SRL: variants seen among roughly 807,000 people sequenced by gnomAD.
SRL encodes sarcalumenin.
SRL carries 23 observed loss-of-function variants against 39.5 expected under a neutral mutation model. The observed-to-expected ratio is 0.58, with a 90% CI of 0.42 to 0.82. SRL has a LOEUF of 0.82. Among genes scored for constraint, SRL ranks in the 40% least tolerant of loss-of-function variants. The pLI is 0.00. For synonymous variants in SRL, 272 were observed against 237.4 expected, an observed-to-expected ratio of 1.15 and a Z score of -1.34; for missense variants, 592 against 607.8, an observed-to-expected ratio of 0.97 and a Z score of 0.27.
Position 4,191,729 on chromosome 16 carries a change from G to A in SRL, c.*424C>T, listed in dbSNP as rs1182938386. 1 of 166,562 alleles carries A rather than the reference G, an allele frequency of 6.0e-6. No homozygotes were observed. The highest frequency in any genetic ancestry group is 2.4e-5 in the African/African-American group (1 of 41,880). 10.3% of individuals were successfully genotyped at this position (166,562 alleles called of 1,614,324 possible). On this transcript the variant is annotated 3_prime_UTR_variant, in exon 6 of 6. Transcript: ENST00000399609. ...GAACAAACGCGAGACTGTGGGTGTG[G>A]AAAGAAGCCAAAATGGACCTGACAA...
intron 1 of SRL, among the ~76,000 whole-genome samples, chr16:4,237,951 G>A (rs969087469): frequency 6.6e-6 from 1 of 152,112 alleles, no homozygotes; most frequent in African/African-American, 2.4e-5. Context: ...ACTAGATTCA[G>A]CTACGTGCAA....
chr16:4,234,049 T>C lies in SRL; in HGVS notation c.61+7958A>G, dbSNP rs1277416746. Among the ~76,000 whole-genome samples, 6 of 152,062 alleles carry C rather than the reference T, an allele frequency of 3.9e-5. No individual in the cohort carries two copies. The East Asian group carries it at 5.8e-4, about 15-fold the overall frequency. ...TCGCTCTGTTGCCCAGGCTAGAGTATAGTGGTACAATCTTGGCTCACTGCA... is the reference window on the plus strand; with the variant it reads ...TCGCTCTGTTGCCCAGGCTAGAGTACAGTGGTACAATCTTGGCTCACTGCA... On this transcript the variant is annotated intron_variant, in intron 1 of 5. Transcript: ENST00000399609.
At chr16:4,237,270 C>T (rs1336199681) in intron 1 of SRL, among the ~76,000 whole-genome samples, 1 of 152,184 alleles carries the variant, frequency 6.6e-6, no homozygotes, top group Non-Finnish European at 1.5e-5. Flanking sequence ...CTGTTCCTCT[C>T]TCTTATGTTC....
intron 1 of SRL, among the ~76,000 whole-genome samples, chr16:4,237,091 G>A (rs954608674): frequency 1.3e-5 from 2 of 151,846 alleles, no homozygotes; most frequent in South Asian, 2.1e-4. Flanking sequence ...ACAGGTACCC[G>A]CCATCATGCC....
intron 1 of SRL, chr16:4,207,563 C>G (rs1400811330): frequency 2.2e-6 from 1 of 454,404 alleles, no homozygotes; most frequent in South Asian, 1.6e-5. Flanking sequence ...GCTCTGCTGT[C>G]CCTGCTACTG....
chr16:4,220,278 AACACACACACAC>A (rs71394664), intron 1 of SRL, among the ~76,000 whole-genome samples: 7 of 140,800 alleles, frequency 5.0e-5, no homozygotes, highest in East Asian at 4.1e-4. Flanking sequence ...TCTCTACTAA[AACACACACACAC>A]ACACACACAC....
At chr16:4,239,279 G>C (rs909502456) in intron 1 of SRL, among the ~76,000 whole-genome samples, 9 of 152,216 alleles carry the variant, frequency 5.9e-5, no homozygotes, top group African/African-American at 2.2e-4. Flanking sequence ...GGCACTCACA[G>C]AGGGGCAGCC....
intron 1 of SRL, among the ~76,000 whole-genome samples, chr16:4,240,062 C>T (rs1356423320): frequency 6.6e-6 from 1 of 152,204 alleles, no homozygotes; most frequent in African/African-American, 2.4e-5. Context: ...GAGCCCACCA[C>T]CCCAGCCAGA....
chr16:4,195,853 G>A (rs1373809492), intron 4 of SRL, 67 bp from the exon 5 acceptor site: 43 of 1,357,096 alleles, frequency 3.2e-5, no homozygotes, highest in Non-Finnish European at 4.4e-5. Flanking sequence ...TGAGAAGCAT[G>A]TGTATATGCC....
Position 4,190,090 on chromosome 16 carries a change from G to C in SRL, c.*2063C>G, listed in dbSNP as rs939409309. The C allele has an allele frequency of 5.0e-6, 2 of 396,536 alleles. No homozygotes were observed. Among genetic ancestry groups the C allele is most frequent in the Non-Finnish European group, 8.9e-6 (2 of 225,420 alleles). The allele number at this position is 396,536 out of a possible 1,614,324, so 24.6% of individuals were successfully genotyped here. On this transcript the variant is annotated 3_prime_UTR_variant, in exon 6 of 6. Coordinates refer to ENST00000399609, the MANE Select transcript of SRL (RefSeq NM_001098814.2). ...TTCTTTCCTGGTCGACTCGTTCCTT[G>C]GAAACATTGTCCTGAGTGCCCTGGA...
intron 1 of SRL, among the ~76,000 whole-genome samples, chr16:4,241,193 A>G (rs2052768857): frequency 6.6e-6 from 1 of 152,136 alleles, no homozygotes; most frequent in Non-Finnish European, 1.5e-5. Flanking sequence ...GCACCTCCCT[A>G]AAAGCATTCC....
chr16:4,212,611 T>TGGGACCCACCCTGGGACATGAA (rs2052408033), intron 1 of SRL, among the ~76,000 whole-genome samples: 1 of 152,192 alleles, frequency 6.6e-6, no homozygotes, highest in Non-Finnish European at 1.5e-5. Flanking sequence ...AGTACCGCAC[T>TGGGACCCACCCTGGGACATGAA]GTATGTGCTG....
At chr16:4,210,873 A>G (rs975632360) in intron 1 of SRL, among the ~76,000 whole-genome samples, 1 of 152,202 alleles carries the variant, frequency 6.6e-6, no homozygotes, top group Non-Finnish European at 1.5e-5. Flanking sequence ...GGCTTGGGCC[A>G]TGTGACTTCA....
At chr16:4,208,267 C>A (rs543451887) in intron 1 of SRL, among the ~76,000 whole-genome samples, 3 of 152,098 alleles carry the variant, frequency 2.0e-5, no homozygotes, top group African/African-American at 7.2e-5. Context: ...TCGTGCGTAG[C>A]GAGCAGAATA....
At chr16:4,199,394 C>T (rs1303949852) in intron 3 of SRL, among the ~76,000 whole-genome samples, 12 of 89,474 alleles carry the variant, frequency 1.3e-4, no homozygotes, top group African/African-American at 4.2e-4. Context: ...TTTTTTGAGA[C>T]AGTGTCTCAC....
rs765379243 is a variant in SRL at position 4,204,603 on chromosome 16, T to C, written c.93A>G (p.Pro31=). ...TCTCGATGTGGGAGCGGTCCCTCAATGGGGCTTCTTCATTTGCATCCTCCG... is the reference window on the plus strand; with the variant it reads ...TCTCGATGTGGGAGCGGTCCCTCAACGGGGCTTCTTCATTTGCATCCTCCG... The part of the protein sequence containing the change: ...EETEDANEEA[P]LRDRSHIEKT... The change falls in exon 2 of 6, where the codon CCA becomes CCG. Residue 31 remains proline, a synonymous_variant. Coordinates refer to ENST00000399609, the MANE Select transcript of SRL (RefSeq NM_001098814.2). The C allele has an allele frequency of 6.2e-7, 1 of 1,614,188 alleles. No individual in the cohort carries two copies. Among genetic ancestry groups the C allele is most frequent in the African/African-American group, 1.3e-5 (1 of 75,052 alleles).
intron 4 of SRL, 145 bp downstream of exon 4, chr16:4,197,654 C>T (rs11859109): frequency 0.04 from 26,108 of 650,348 alleles, 4,555 homozygotes; most frequent in African/African-American, 0.4. Flanking sequence ...CTCAAACTGA[C>T]GGCCTCAAGT....
intron 1 of SRL, among the ~76,000 whole-genome samples, chr16:4,227,482 G>T (rs1343544509): frequency 1.3e-5 from 2 of 151,608 alleles, no homozygotes; most frequent in Admixed American, 1.3e-4. Flanking sequence ...GTGGATGAAT[G>T]GATAGATGAG....
intron 1 of SRL, among the ~76,000 whole-genome samples, chr16:4,214,121 G>A (rs1419921223): frequency 6.6e-6 from 1 of 152,182 alleles, no homozygotes. Flanking sequence ...CCAAGGGCCA[G>A]GAAGCTCTGT....
Sources: gnomAD v4.1 joint callset for allele counts (sites outside exome capture counted in the v4.1 genomes callset) on GRCh38, gnomAD v4.1.1 for gene constraint, MANE v1.5 for transcripts, NCBI Gene and HGNC (gene_info 2026-07-23, HGNC 2026-07-21) for gene names.